Variants in PARP8 observed in about 807,000 individuals in gnomAD.
The protein encoded by PARP8 is protein mono-ADP-ribosyltransferase PARP8.
A neutral mutation model predicts 124.1 loss-of-function variants in PARP8; 51 were observed. The ratio of observed to expected loss-of-function variants is 0.41; its 90% CI spans 0.33 to 0.52. The LOEUF (loss-of-function observed/expected upper bound fraction) is 0.52, where lower values mean the gene tolerates loss of function less well. Among genes scored for constraint, PARP8 ranks in the 20% least tolerant of loss-of-function variants. The pLI is 0.21. For missense variants in PARP8, 860 were observed against 1,018.9 expected (o/e 0.84, Z 2.12); for synonymous variants, 391 against 361.5 (o/e 1.08, Z -0.93).
At chr5:50,798,598 T>A (rs953893550) in intron 14 of PARP8, among the ~76,000 whole-genome samples, 1 of 151,782 alleles carries the variant, frequency 6.6e-6, no homozygotes, top group African/African-American at 2.4e-5. Flanking sequence ...TTTTTTGTAT[T>A]TTTTTAGTAG....
chr5:50,707,018 T>C (rs1236550342), intron 2 of PARP8, among the ~76,000 whole-genome samples: 2 of 152,070 alleles, frequency 1.3e-5, no homozygotes, highest in South Asian at 4.1e-4. Flanking sequence ...AAAATCTATA[T>C]AGCTGCTTTT....
chr5:50,769,559 C>G (rs78453518), intron 7 of PARP8, among the ~76,000 whole-genome samples: 6,424 of 151,862 alleles, frequency 0.042, 438 homozygotes, highest in African/African-American at 0.15. Flanking sequence ...AGAAGTGATT[C>G]TATGAGAAGA....
At chr5:50,758,988 A>G (rs1659508860) in intron 3 of PARP8, among the ~76,000 whole-genome samples, 2 of 152,340 alleles carry the variant, frequency 1.3e-5, no homozygotes, top group Admixed American at 6.5e-5. Context: ...GACTTTATCA[A>G]TTTAAAAATA....
intron 8 of PARP8, among the ~76,000 whole-genome samples, chr5:50,778,359 C>A (rs529988294): frequency 8.5e-5 from 13 of 152,148 alleles, no homozygotes; most frequent in African/African-American, 3.1e-4. Flanking sequence ...TTTTACAATA[C>A]TTCGTTATAT....
chr5:50,762,792 C>A (rs1246714897), intron 6 of PARP8, among the ~76,000 whole-genome samples: 5 of 152,118 alleles, frequency 3.3e-5, no homozygotes, highest in Admixed American at 1.3e-4. Context: ...TAACATTATG[C>A]AAAATCATTC....
intron 9 of PARP8, among the ~76,000 whole-genome samples, chr5:50,780,142 G>A (rs1295953745): frequency 6.6e-6 from 1 of 152,038 alleles, no homozygotes; most frequent in Non-Finnish European, 1.5e-5. Flanking sequence ...AAATAGCTAT[G>A]CACCTTAATG....
intron 2 of PARP8, among the ~76,000 whole-genome samples, chr5:50,671,517 TAAAA>T (rs1561223314): frequency 7.6e-5 from 11 of 144,248 alleles, no homozygotes; most frequent in Non-Finnish European, 1.7e-4. Context: ...AAAAAAAAAA[TAAAA>T]AAAAAGTTAG....
At chr5:50,671,663 T>C (rs1579894189) in intron 2 of PARP8, among the ~76,000 whole-genome samples, 1 of 152,254 alleles carries the variant, frequency 6.6e-6, no homozygotes, top group East Asian at 1.9e-4. Context: ...CCCCAAATTG[T>C]ATTAATACTC....
intron 2 of PARP8, among the ~76,000 whole-genome samples, chr5:50,746,788 A>G (rs1580182543): frequency 2.0e-5 from 3 of 152,184 alleles, no homozygotes; most frequent in African/African-American, 7.2e-5. Flanking sequence ...GTGCTTTAGA[A>G]GGCTGAGGCA....
rs372488538 is a variant in PARP8, at chr5:50,778,039, G to GA, written c.519-23dup. 4.4e-4 allele frequency: 680 copies of GA among 1,547,560 alleles called. 1 individual carries two copies. In the African/African-American group the frequency reaches 6.3e-3, roughly 14 times the overall value. ...ACCATCTTTTAAGCATCATTAAAAT[G>GA]AAAAAAACAGTGTTAATTTTTGCTT... On this transcript the variant is annotated intron_variant, in intron 7 of 25. Transcript: ENST00000281631.
At chr5:50,690,884 C>T (rs1752423849) in intron 2 of PARP8, among the ~76,000 whole-genome samples, 1 of 152,182 alleles carries the variant, frequency 6.6e-6, no homozygotes, top group African/African-American at 2.4e-5. Context: ...TAGTAGTTCT[C>T]TATGCTGTTT....
At chr5:50,722,610 A>AAAACT (rs1229121325) in intron 2 of PARP8, among the ~76,000 whole-genome samples, 2 of 152,122 alleles carry the variant, frequency 1.3e-5, no homozygotes, top group Non-Finnish European at 2.9e-5. Flanking sequence ...ATTGTTCCAA[A>AAAACT]AAACTATTTG....
intron 2 of PARP8, 72 bp downstream of exon 2, chr5:50,668,197 G>A (rs1206337972): frequency 4.3e-6 from 6 of 1,388,432 alleles, no homozygotes; most frequent in South Asian, 1.2e-5. Flanking sequence ...AGCGTGTTCC[G>A]TGTTCGGGTA....
At chr5:50,671,858 A>G (rs1431140413) in intron 2 of PARP8, among the ~76,000 whole-genome samples, 2 of 152,238 alleles carry the variant, frequency 1.3e-5, no homozygotes, top group Admixed American at 1.3e-4. Flanking sequence ...AATATTTGGC[A>G]GGATGTGTGT....
intron 2 of PARP8, among the ~76,000 whole-genome samples, chr5:50,700,703 T>C (rs909815086): frequency 6.6e-6 from 1 of 152,202 alleles, no homozygotes; most frequent in Admixed American, 6.5e-5. Context: ...GACTATTGCT[T>C]ATATTTAATA....
Position 50,841,979 on chromosome 5 carries a change from C to G in PARP8, c.2476C>G (p.Gln826Glu), listed in dbSNP as rs756662173. 4.4e-5 allele frequency: 70 copies of G among 1,594,108 alleles called. No homozygotes were observed. Among genetic ancestry groups the G allele is most frequent in the Admixed American group, 1.6e-4 (9 of 57,384 alleles). The change falls in exon 26 of 26, where the codon CAA (glutamine) becomes GAA (glutamate). Residue 826 changes from glutamine (Q) to glutamate (E), a missense_variant. Physicochemically the swap from Gln to Glu is conservative, Grantham distance 29. Around this residue, in one of 2 missense-constraint regions of PARP8, gnomAD observed 343 missense variants for 474.7 expected, o/e 0.72. Transcript: ENST00000281631. ...TTTGTATTTCAGCTATGAAGACGGC[C>G]AAGTGGGAGATGCAAATATTAATAC... ...TRFFFVYEDG[Q>E]VGDANINTQE...
chr5:50,762,433 G>C (rs1057249034), intron 6 of PARP8, among the ~76,000 whole-genome samples: 23 of 152,062 alleles, frequency 1.5e-4, no homozygotes, highest in Admixed American at 1.3e-4. Context: ...GAACTCATCA[G>C]AATTTTTCAG....
chr5:50,753,600 ATAGT>A (rs1208011520), intron 3 of PARP8, among the ~76,000 whole-genome samples: 7 of 152,136 alleles, frequency 4.6e-5, no homozygotes, highest in Non-Finnish European at 2.9e-5. Flanking sequence ...TTACTAGTGT[ATAGT>A]TAGTTAATTA....
chr5:50,680,391 C>A (rs779088900), intron 2 of PARP8, among the ~76,000 whole-genome samples: 1 of 151,968 alleles, frequency 6.6e-6, no homozygotes, highest in Non-Finnish European at 1.5e-5. Context: ...ATTTGTAAAC[C>A]GTTTGTGGTT....
Sources: gnomAD v4.1 joint callset for allele counts (sites outside exome capture counted in the v4.1 genomes callset) on GRCh38, gnomAD v4.1.1 for gene constraint, gnomAD v4.1.1 regional missense constraint, MANE v1.5 for transcripts, NCBI Gene and HGNC (gene_info 2026-07-23, HGNC 2026-07-21) for gene names.